Variants in UBR2 observed in about 807,000 individuals in gnomAD.
UBR2 encodes the protein ubiquitin protein ligase E3 component n-recognin 2, also known as E3 ubiquitin-protein ligase UBR2.
In UBR2, 92 loss-of-function variants were observed where a neutral mutation model predicts 247.9. The observed-to-expected ratio is 0.37, with a 90% CI of 0.31 to 0.44. The LOEUF (loss-of-function observed/expected upper bound fraction) is 0.44. UBR2 is among the 20% of genes least tolerant of loss of function. The pLI is 1.00. For missense variants in UBR2, 1,613 were observed against 2,112.6 expected, an observed-to-expected ratio of 0.76 and a Z score of 4.64; for synonymous variants, 672 against 693.5, an observed-to-expected ratio of 0.97 and a Z score of 0.49.
At chr6:42,621,912 T>A (rs541522694) in intron 11 of UBR2, among the ~76,000 whole-genome samples, 1 of 152,346 alleles carries the variant, frequency 6.6e-6, no homozygotes, top group South Asian at 2.1e-4. Context: ...TTTACAATAT[T>A]GAGTCTTCTG....
At chr6:42,630,359 GT>G (rs1470224046) in intron 11 of UBR2, among the ~76,000 whole-genome samples, 1 of 151,214 alleles carries the variant, frequency 6.6e-6, no homozygotes. Context: ...TAATTTTTGT[GT>G]TTTTTAGTAG....
chr6:42,648,969 T>C (rs1332948824), intron 22 of UBR2, among the ~76,000 whole-genome samples: 1 of 152,160 alleles, frequency 6.6e-6, no homozygotes, highest in African/African-American at 2.4e-5. Flanking sequence ...TTATTGGGTT[T>C]TTTTAGTTTT....
rs779956608 is a variant in UBR2, at chr6:42,615,118, G to C, written c.1033G>C (p.Asp345His). ...LCQVGLQEGP[D>H]GENSSLVDRL... ...TCAAGTTGGTTTACAAGAAGGGCCA[G>C]ATGGTGAAAACTCTTCTCTAGTGGA... Residue 345 changes from aspartate to histidine, a missense_variant, in exon 9 of 47, where the codon GAT becomes CAT. Physicochemically the swap from Asp to His is moderately conservative, Grantham distance 81. Around this residue, in one of 3 missense-constraint regions of UBR2, gnomAD observed 1,524 missense variants for 1,967.3 expected, o/e 0.77. Coordinates refer to ENST00000372901, the MANE Select transcript of UBR2 (RefSeq NM_001363705.2). The C allele has an allele frequency of 2.5e-6, 4 of 1,613,740 alleles. No individual in the cohort carries two copies. In the South Asian group the frequency reaches 4.4e-5, roughly 18 times the overall value.
chr6:42,583,331 T>G (rs1042681192), intron 2 of UBR2, among the ~76,000 whole-genome samples: 52 of 152,266 alleles, frequency 3.4e-4, no homozygotes, highest in Middle Eastern at 3.4e-3. Context: ...CACTGCAACC[T>G]CTGCCTCCCG....
intron 16 of UBR2, 113 bp downstream of exon 16, chr6:42,640,383 G>GGTAGGT: frequency 1.2e-5 from 2 of 171,014 alleles, no homozygotes; most frequent in Non-Finnish European, 2.1e-5. Context: ...GAACCAGTAA[G>GGTAGGT]GTGTGTGTGT....
chr6:42,665,888 G>A (rs1798078305), intron 33 of UBR2, among the ~76,000 whole-genome samples: 1 of 151,882 alleles, frequency 6.6e-6, no homozygotes, highest in East Asian at 1.9e-4. Flanking sequence ...ATGACCTTGT[G>A]GGAACGTAGT....
chr6:42,625,211 C>T (rs1795261885), intron 11 of UBR2, among the ~76,000 whole-genome samples: 1 of 152,138 alleles, frequency 6.6e-6, no homozygotes, highest in Non-Finnish European at 1.5e-5. Flanking sequence ...ATTTTATAGC[C>T]AGTTAAAATT....
intron 36 of UBR2, 93 bp downstream of exon 36, chr6:42,670,808 A>C: frequency 1.1e-6 from 1 of 885,190 alleles, no homozygotes; most frequent in Non-Finnish European, 1.7e-6. Flanking sequence ...GTAGTTACTT[A>C]CACCTTCACT....
At chr6:42,619,412 C>CACATATATATAT (rs1226489376) in intron 11 of UBR2, 1 of 28,448 alleles carries the variant, frequency 3.5e-5, no homozygotes, top group African/African-American at 1.2e-4. Flanking sequence ...TCGTTATGAA[C>CACATATATATAT]ATATATATAT....
intron 24 of UBR2, 56 bp downstream of exon 24, chr6:42,652,127 G>A: frequency 6.8e-7 from 1 of 1,479,010 alleles, no homozygotes; most frequent in Non-Finnish European, 9.2e-7. Flanking sequence ...GTTAAACATT[G>A]TTTTCTGTTA....
chr6:42,564,536 T>C, intron 1 of UBR2, 139 bp downstream of exon 1: 1 of 977,828 alleles, frequency 1.0e-6, no homozygotes, highest in Non-Finnish European at 1.5e-6. Flanking sequence ...TGTGGGGTAA[T>C]AGCCCGGGGA....
intron 22 of UBR2, among the ~76,000 whole-genome samples, chr6:42,650,039 C>T (rs1797023404): frequency 6.6e-6 from 1 of 152,166 alleles, no homozygotes; most frequent in Non-Finnish European, 1.5e-5. Context: ...TTAATTGTTG[C>T]CACTGCAGTG....
chr6:42,601,197 T>C (rs555217249), intron 4 of UBR2, among the ~76,000 whole-genome samples: 1 of 152,320 alleles, frequency 6.6e-6, no homozygotes, highest in South Asian at 2.1e-4. Context: ...GAGATAATAG[T>C]ACCAGGAAAG....
chr6:42,663,505 C>T (rs1023530173), intron 32 of UBR2, 86 bp downstream of exon 32: 6 of 1,364,804 alleles, frequency 4.4e-6, no homozygotes, highest in Non-Finnish European at 5.9e-6. Flanking sequence ...AAAACTTAGT[C>T]TAGGCAATTG....
chr6:42,614,194 AAAAAAAAAAAAC>A (rs1273309357), intron 8 of UBR2, among the ~76,000 whole-genome samples: 1,015 of 40,976 alleles, frequency 0.025, 58 homozygotes, highest in African/African-American at 0.032. Context: ...AAAAAAAAAA[AAAAAAAAAAAAC>A]TATATATATA....
chr6:42,651,524 G>T (rs1021364306), intron 23 of UBR2, among the ~76,000 whole-genome samples: 2 of 151,746 alleles, frequency 1.3e-5, no homozygotes, highest in African/African-American at 2.4e-5. Flanking sequence ...TTGAGATAGG[G>T]TCTCACTCTG....
At chr6:42,650,211 A>G in intron 22 of UBR2, 73 bp from the exon 23 acceptor site, 1 of 1,247,512 alleles carries the variant, frequency 8.0e-7, no homozygotes, top group South Asian at 1.3e-5. Flanking sequence ...TTCTTGTTCT[A>G]ATATCCAAGA....
chr6:42,665,328 A>G (rs1198792819), intron 32 of UBR2, 81 bp from the exon 33 acceptor site: 2 of 1,044,834 alleles, frequency 1.9e-6, no homozygotes, highest in East Asian at 2.6e-5. Flanking sequence ...TGTCTAAAAT[A>G]TGCCTGTGAT....
intron 1 of UBR2, among the ~76,000 whole-genome samples, chr6:42,573,351 C>T (rs187191097): frequency 1.0e-3 from 152 of 152,274 alleles, no homozygotes; most frequent in Non-Finnish European, 1.8e-3. Context: ...GACAAACTGA[C>T]GTGAGAATTG....
Sources: gnomAD v4.1 joint callset for allele counts (sites outside exome capture counted in the v4.1 genomes callset) on GRCh38, gnomAD v4.1.1 for gene constraint, gnomAD v4.1.1 regional missense constraint, MANE v1.5 for transcripts, NCBI Gene and HGNC (gene_info 2026-07-23, HGNC 2026-07-21) for gene names.